The following CYP4X1 variants were observed in gnomAD, a reference collection of about 807,000 sequenced individuals.
CYP4X1 encodes the protein cytochrome P450 4X1.
Under a neutral mutation model 57.9 loss-of-function variants are expected in CYP4X1, and 44 were observed. That is an observed-to-expected ratio of 0.76 (90% CI 0.60 to 0.98). The LOEUF (loss-of-function observed/expected upper bound fraction) is 0.98. Ranked by LOEUF, CYP4X1 falls within the 50% of genes least tolerant of loss-of-function variation. The probability of loss-of-function intolerance (pLI) is 0.00; values close to 1 mark genes in which losing one functional copy is unlikely to be tolerated. For synonymous variants in CYP4X1, 227 were observed against 228.6 expected, an observed-to-expected ratio of 0.99 and a Z score of 0.06; for missense variants, 532 against 623.9, an observed-to-expected ratio of 0.85 and a Z score of 1.57.
At chr1:46,967,820 C>A in the CYP4X1 span, 1 of 1,328,250 alleles carries the variant, frequency 7.5e-7, no homozygotes, top group South Asian at 2.2e-5. Flanking sequence ...AGGGTCAGGG[C>A]CATGGCCACC....
the CYP4X1 span, chr1:46,961,893 C>A: frequency 1.4e-6 from 1 of 731,942 alleles, no homozygotes; most frequent in Non-Finnish European, 1.9e-6. Flanking sequence ...GGTTCAGTTG[C>A]TTTTTGGGGA....
rs1214735812 is a variant in CYP4X1, at chr1:47,033,368, G to A, written c.492G>A (p.Leu164=). ...EVMAHSVKMM[L]DKWEKICSTQ... ...TGGCTCATTCTGTGAAAATGATGCT[G>A]GTAAGTAAAGGGGGAAAGTGCTCTG... Residue 164 remains leucine (L), a splice_region_variant and synonymous_variant, in exon 4 of 12, where the codon CTG becomes CTA. Coordinates refer to ENST00000371901, the MANE Select transcript of CYP4X1 (RefSeq NM_178033.2). The A allele has an allele frequency of 1.9e-6, 3 of 1,613,440 alleles. No homozygotes were observed. Among genetic ancestry groups the A allele is most frequent in the Non-Finnish European group, 2.5e-6 (3 of 1,179,686 alleles).
the CYP4X1 span, among the ~76,000 whole-genome samples, chr1:46,987,555 C>T: frequency 6.6e-6 from 1 of 152,206 alleles, no homozygotes; most frequent in Non-Finnish European, 1.5e-5. Context: ...CGACAGAACT[C>T]TCCACTCCAA....
the CYP4X1 span, among the ~76,000 whole-genome samples, chr1:47,018,266 T>G: frequency 1.3e-5 from 2 of 152,160 alleles, no homozygotes; most frequent in Non-Finnish European, 2.9e-5. Flanking sequence ...CAAAGATTTT[T>G]CAGAGCTTAT....
At chr1:47,015,771 T>C in the CYP4X1 span, among the ~76,000 whole-genome samples, 1,533 of 152,232 alleles carry the variant, frequency 0.01, 29 homozygotes, top group African/African-American at 0.035. Flanking sequence ...TAGGACTGGC[T>C]ATCTATGAAG....
At chr1:47,046,917 C>T (rs1360248093) in intron 9 of CYP4X1, among the ~76,000 whole-genome samples, 6 of 152,096 alleles carry the variant, frequency 3.9e-5, no homozygotes, top group African/African-American at 4.8e-5. Flanking sequence ...AGTTTGAGAC[C>T]GAGCTGAAAC....
upstream of CYP4X1, among the ~76,000 whole-genome samples, chr1:47,019,038 A>C (rs1398527039): frequency 2.0e-5 from 3 of 152,220 alleles, no homozygotes; most frequent in African/African-American, 7.2e-5. Flanking sequence ...TTACAGGAAG[A>C]AAGCCTGGAG....
At chr1:47,012,725 T>G in the CYP4X1 span, among the ~76,000 whole-genome samples, 1 of 152,174 alleles carries the variant, frequency 6.6e-6, no homozygotes, top group Non-Finnish European at 1.5e-5. Flanking sequence ...ATTTGTGAAA[T>G]GAGGCTTATA....
chr1:47,045,079 C>T (rs1035764672), intron 8 of CYP4X1, among the ~76,000 whole-genome samples: 10 of 152,240 alleles, frequency 6.6e-5, no homozygotes, highest in African/African-American at 2.4e-4. Context: ...CCCACCTAGG[C>T]CTCCCAAAGT....
chr1:47,026,934 C>A (rs1361577632), intron 1 of CYP4X1, among the ~76,000 whole-genome samples: 2 of 152,042 alleles, frequency 1.3e-5, no homozygotes, highest in African/African-American at 4.8e-5. Context: ...CCAGGCTAGT[C>A]TCGAACTCCT....
upstream of CYP4X1, among the ~76,000 whole-genome samples, chr1:47,023,001 T>C (rs976798905): frequency 6.6e-6 from 1 of 152,226 alleles, no homozygotes; most frequent in Non-Finnish European, 1.5e-5. Context: ...AGTTTATTTA[T>C]GTTTCTGGCA....
the CYP4X1 span, among the ~76,000 whole-genome samples, chr1:46,973,369 G>A: frequency 5.3e-5 from 8 of 152,054 alleles, no homozygotes; most frequent in Non-Finnish European, 7.4e-5. Context: ...GTTCCTCAGG[G>A]GTATTGGCCT....
At chr1:46,969,050 G>A in the CYP4X1 span, among the ~76,000 whole-genome samples, 1 of 152,152 alleles carries the variant, frequency 6.6e-6, no homozygotes, top group Non-Finnish European at 1.5e-5. Flanking sequence ...TTGGAGATGG[G>A]TTGGGTGGGA....
At position 47,023,747 on chromosome 1, in the gene CYP4X1, C is replaced by T; in HGVS notation, c.-71C>T. 2.6e-6 allele frequency: 4 copies of T among 1,546,618 alleles called. No homozygotes were observed. Among genetic ancestry groups the T allele is most frequent in the Non-Finnish European group, 3.5e-6 (4 of 1,147,860 alleles). ...GGTGGGGTGGGCGACCCTACGCCAG[C>T]TCCGGGCGGGAGAAAGCCCACCCTC... is the stretch of plus-strand genomic sequence containing the variant. On this transcript the variant is annotated 5_prime_UTR_variant, in exon 1 of 12. Coordinates refer to ENST00000371901, the MANE Select transcript of CYP4X1 (RefSeq NM_178033.2).
At chr1:47,026,867 G>A (rs548568388) in intron 1 of CYP4X1, among the ~76,000 whole-genome samples, 1 of 151,932 alleles carries the variant, frequency 6.6e-6, no homozygotes, top group Non-Finnish European at 1.5e-5. Context: ...ACAGGCACAT[G>A]CCACCACACC....
chr1:47,017,609 T>C, the CYP4X1 span, among the ~76,000 whole-genome samples: 2 of 152,202 alleles, frequency 1.3e-5, no homozygotes, highest in Admixed American at 1.3e-4. Flanking sequence ...AGCTGTGAAC[T>C]GTTTAGGGCA....
At chr1:47,046,809 T>TGCAGCAAAGCTAAGCCC (rs1644307814) in intron 9 of CYP4X1, among the ~76,000 whole-genome samples, 1 of 152,188 alleles carries the variant, frequency 6.6e-6, no homozygotes, top group Admixed American at 6.5e-5. Context: ...CATAGCCAGT[T>TGCAGCAAAGCTAAGCCC]GCAGCAAAGC....
At chr1:46,993,876 AGGT>A in the CYP4X1 span, among the ~76,000 whole-genome samples, 1 of 152,120 alleles carries the variant, frequency 6.6e-6, no homozygotes, top group African/African-American at 2.4e-5. Context: ...CCCATTCTCT[AGGT>A]GGCCTATTCA....
At chr1:47,008,606 C>A in the CYP4X1 span, among the ~76,000 whole-genome samples, 1 of 152,068 alleles carries the variant, frequency 6.6e-6, no homozygotes. Flanking sequence ...GCTAAATGCT[C>A]CAATTAAAAG....
Sources: allele counts gnomAD v4.1 joint callset (sites outside exome capture counted in the v4.1 genomes callset), GRCh38; gene constraint gnomAD v4.1.1; transcripts MANE v1.5; gene names NCBI Gene and HGNC (gene_info 2026-07-23, HGNC 2026-07-21).